Variants in MARK3 observed in about 807,000 individuals in gnomAD.
MARK3 encodes MAP/microtubule affinity-regulating kinase 3.
In MARK3, 46 loss-of-function variants were observed where a neutral mutation model predicts 90.1. That is an observed-to-expected ratio of 0.51 (90% CI 0.40 to 0.65). The LOEUF (loss-of-function observed/expected upper bound fraction) is 0.65. Ranked by LOEUF, MARK3 falls within the 30% of genes least tolerant of loss-of-function variation. The probability of loss-of-function intolerance (pLI) is 0.00; values close to 1 mark genes in which losing one functional copy is unlikely to be tolerated. For synonymous variants in MARK3, 321 were observed against 332.6 expected (o/e 0.97, Z 0.38); for missense variants, 818 against 947.2 (o/e 0.86, Z 1.79).
intron 1 of MARK3, among the ~76,000 whole-genome samples, chr14:103,398,279 G>T (rs2090717167): frequency 6.6e-6 from 1 of 152,184 alleles, no homozygotes; most frequent in South Asian, 2.1e-4. Flanking sequence ...CTTCTAGATG[G>T]CTGCTTCCAT....
rs143574994 is a variant in MARK3 at position 103,453,920 on chromosome 14, C to G, written c.412+1937C>G. Among the ~76,000 whole-genome samples, 830 of 152,344 alleles carry G rather than the reference C, an allele frequency of 5.4e-3. 2 individuals are homozygous for G. Among genetic ancestry groups the G allele is most frequent in the Non-Finnish European group, 8.6e-3 (588 of 68,034 alleles). On this transcript the variant is annotated intron_variant, in intron 5 of 17. Coordinates refer to ENST00000429436, the MANE Select transcript of MARK3 (RefSeq NM_001128918.3). ...GCCTGGACCGCCAGTGCTCTGACAG[C>G]AGATAGCCTTTCTAGTTTGTTGGTC... is the stretch of plus-strand genomic sequence containing the variant.
In MARK3 at chr14:103,467,161, A is replaced by G. The variant is rs368756695; in HGVS notation, c.1080A>G (p.Thr360=). The change falls in exon 11 of 18, where the codon ACA becomes ACG. Residue 360 remains threonine (T), a synonymous_variant. Transcript: ENST00000429436. ...TGAAATACGATGAAATCACAGCTAC[A>G]TATTTGTTATTGGGGAGAAAATCTT... ...SKMKYDEITA[T]YLLLGRKSSE... is the part of the protein sequence containing the mutation. 3.1e-4 allele frequency: 496 copies of G among 1,597,518 alleles called. No individual in the cohort carries two copies. The highest frequency in any genetic ancestry group is 4.1e-4 in the Non-Finnish European group (474 of 1,168,276).
At chr14:103,421,014 C>G (rs1218678291) in intron 2 of MARK3, among the ~76,000 whole-genome samples, 1 of 152,174 alleles carries the variant, frequency 6.6e-6, no homozygotes, top group Non-Finnish European at 1.5e-5. Context: ...TGAAACTTAC[C>G]TAACACCTGC....
chr14:103,486,011 C>T (rs754839275), intron 14 of MARK3, among the ~76,000 whole-genome samples: 4 of 152,026 alleles, frequency 2.6e-5, no homozygotes, highest in East Asian at 1.9e-4. Flanking sequence ...TAAATGTAGA[C>T]CAGGCATGAT....
chr14:103,417,938 G>A (rs1237150394), intron 2 of MARK3, among the ~76,000 whole-genome samples: 6 of 152,174 alleles, frequency 3.9e-5, no homozygotes, highest in South Asian at 2.1e-4. Context: ...GCGTGGTGGC[G>A]CGCACCTGTA....
intron 1 of MARK3, among the ~76,000 whole-genome samples, chr14:103,398,764 G>A (rs939627087): frequency 6.6e-6 from 1 of 152,188 alleles, no homozygotes; most frequent in Non-Finnish European, 1.5e-5. Context: ...AAAGTGAAAC[G>A]TGACTTTGTG....
chr14:103,484,163 C>CTTTTTT (rs34512580), intron 14 of MARK3, among the ~76,000 whole-genome samples: 2 of 146,282 alleles, frequency 1.4e-5, no homozygotes, highest in Non-Finnish European at 1.5e-5. Flanking sequence ...AGAATCTTTT[C>CTTTTTT]TTTTTTTTTT....
At chr14:103,462,868 G>T (rs1314131512) in intron 7 of MARK3, among the ~76,000 whole-genome samples, 1 of 152,058 alleles carries the variant, frequency 6.6e-6, no homozygotes. Context: ...CCTCACTCTG[G>T]CATAGGATGA....
intron 14 of MARK3, among the ~76,000 whole-genome samples, chr14:103,481,593 G>T (rs951854681): frequency 6.6e-6 from 1 of 151,378 alleles, no homozygotes; most frequent in Non-Finnish European, 1.5e-5. Flanking sequence ...GTTATTATTC[G>T]TTGAATTTTT....
chr14:103,389,942 TC>T (rs1236258922), intron 1 of MARK3, among the ~76,000 whole-genome samples: 3 of 26,772 alleles, frequency 1.1e-4, no homozygotes, highest in African/African-American at 5.1e-4. Flanking sequence ...ATACTCCGTC[TC>T]AAAAAAAAAA....
chr14:103,493,258 A>ATTTTTTTTTT (rs10678432), intron 15 of MARK3, among the ~76,000 whole-genome samples: 4 of 105,374 alleles, frequency 3.8e-5, no homozygotes, highest in Admixed American at 1.2e-4. Flanking sequence ...TTTTTTTTTA[A>ATTTTTTTTTT]TTTTTTTTTT....
intron 6 of MARK3, among the ~76,000 whole-genome samples, chr14:103,460,178 T>C (rs1329715084): frequency 7.6e-6 from 1 of 131,734 alleles, no homozygotes; most frequent in East Asian, 2.7e-4. Context: ...CTCCGCCCCC[T>C]GGGTTCACGC....
intron 2 of MARK3, among the ~76,000 whole-genome samples, chr14:103,416,721 G>A (rs1021243408): frequency 5.9e-5 from 9 of 152,098 alleles, no homozygotes; most frequent in African/African-American, 9.7e-5. Flanking sequence ...GTGGTGAGCC[G>A]AGATCGCACC....
chr14:103,444,136 T>C (rs1342255776), intron 3 of MARK3, among the ~76,000 whole-genome samples: 1 of 151,824 alleles, frequency 6.6e-6, no homozygotes, highest in African/African-American at 2.4e-5. Context: ...CTCTCTTTTT[T>C]TTCTACTTGT....
At chr14:103,493,805 G>A (rs975468320) in intron 15 of MARK3, among the ~76,000 whole-genome samples, 3 of 147,300 alleles carry the variant, frequency 2.0e-5, no homozygotes, top group African/African-American at 5.1e-5. Context: ...AACCCGGAAG[G>A]CAGAGGTTGC....
chr14:103,436,229 TAA>T (rs2092713911), intron 3 of MARK3, among the ~76,000 whole-genome samples: 1 of 152,060 alleles, frequency 6.6e-6, no homozygotes, highest in Non-Finnish European at 1.5e-5. Flanking sequence ...CCAAATATTC[TAA>T]GTTTCATAGA....
chr14:103,412,858 C>T, intron 2 of MARK3: 3 of 312,956 alleles, frequency 9.6e-6, no homozygotes, highest in Non-Finnish European at 1.8e-5. Context: ...GATGCCAAGT[C>T]TTTCTTTCTT....
chr14:103,443,216 A>G (rs1306730450), intron 3 of MARK3, among the ~76,000 whole-genome samples: 2 of 152,352 alleles, frequency 1.3e-5, no homozygotes, highest in East Asian at 3.9e-4. Context: ...AAGTTGAGAA[A>G]GTAGTTAACA....
intron 1 of MARK3, among the ~76,000 whole-genome samples, chr14:103,391,927 C>CG (rs1566754749): frequency 6.6e-6 from 1 of 152,016 alleles, no homozygotes; most frequent in African/African-American, 2.4e-5. Context: ...TATGGAGCCA[C>CG]GGATACATCC....
Sources: allele counts gnomAD v4.1 joint callset (sites outside exome capture counted in the v4.1 genomes callset), GRCh38; gene constraint gnomAD v4.1.1; transcripts MANE v1.5; gene names NCBI Gene and HGNC (gene_info 2026-07-23, HGNC 2026-07-21).